DIAPH2: variants seen among roughly 807,000 people sequenced by gnomAD.
DIAPH2 encodes protein diaphanous homolog 2.
A neutral mutation model predicts 92.7 loss-of-function variants in DIAPH2; 35 were observed. The observed-to-expected ratio is 0.38, with a 90% CI of 0.29 to 0.50. DIAPH2 has a LOEUF of 0.50. DIAPH2 is among the 20% of genes least tolerant of loss of function. The pLI, the probability that DIAPH2 is intolerant of heterozygous loss-of-function variation, is 0.94. For missense variants in DIAPH2, 701 were observed against 819.5 expected (o/e 0.86, Z 1.77); for synonymous variants, 301 against 280.4 (o/e 1.07, Z -0.73).
intron 26 of DIAPH2, among the ~76,000 whole-genome samples, chrX:97,578,237 G>C (rs999551750): frequency 9.3e-6 from 1 of 107,509 alleles, no homozygotes; most frequent in African/African-American, 3.4e-5. Flanking sequence ...AGTTACATAC[G>C]TATACATGTG....
intron 20 of DIAPH2, among the ~76,000 whole-genome samples, chrX:97,112,120 T>C (rs477341): frequency 0.1 from 11,624 of 111,225 alleles, 871 homozygotes; most frequent in African/African-American, 0.27. Flanking sequence ...ACATTGTAGG[T>C]TAATACAAAA....
intron 17 of DIAPH2, among the ~76,000 whole-genome samples, chrX:97,043,653 T>G: frequency 9.0e-6 from 1 of 111,048 alleles, no homozygotes; most frequent in South Asian, 3.8e-4. Context: ...GAAGGCTGCA[T>G]GTAAGTACAC....
intron 16 of DIAPH2, among the ~76,000 whole-genome samples, chrX:96,963,014 G>C (rs1041500026): frequency 9.0e-6 from 1 of 111,645 alleles, no homozygotes; most frequent in African/African-American, 3.3e-5. Flanking sequence ...TTCTTGTAGG[G>C]CTTGTCTAGT....
intron 22 of DIAPH2, among the ~76,000 whole-genome samples, chrX:97,196,225 C>T (rs1602409711): frequency 1.8e-5 from 1 of 56,664 alleles, no homozygotes; most frequent in East Asian, 1.4e-3. Flanking sequence ...TACATACACA[C>T]ACACACACAC....
intron 17 of DIAPH2, among the ~76,000 whole-genome samples, chrX:97,048,581 C>T (rs1569288358): frequency 9.0e-6 from 1 of 110,865 alleles, no homozygotes; most frequent in Non-Finnish European, 1.9e-5. Context: ...ACTTTAAGAC[C>T]ATGCACATAT....
At chrX:97,563,871 A>G (rs1366028486) in intron 26 of DIAPH2, among the ~76,000 whole-genome samples, 4 of 111,546 alleles carry the variant, frequency 3.6e-5, no homozygotes, top group Non-Finnish European at 5.7e-5. Flanking sequence ...TGTAATCACA[A>G]TGGTCCACAC....
intron 23 of DIAPH2, among the ~76,000 whole-genome samples, chrX:97,339,073 A>G (rs1410967615): frequency 8.9e-6 from 1 of 112,115 alleles, no homozygotes; most frequent in Non-Finnish European, 1.9e-5. Context: ...CCATACTGTT[A>G]GTATATTACT....
intron 17 of DIAPH2, among the ~76,000 whole-genome samples, chrX:97,044,587 A>T (rs2066468637): frequency 9.0e-6 from 1 of 111,274 alleles, no homozygotes; most frequent in African/African-American, 3.3e-5. Context: ...CCTATGGAAG[A>T]GCAATCTGTC....
intron 22 of DIAPH2, among the ~76,000 whole-genome samples, chrX:97,230,201 T>G (rs753036360): frequency 2.9e-4 from 33 of 111,909 alleles, no homozygotes; most frequent in African/African-American, 1.1e-3. Context: ...CAAATATTGA[T>G]AAGAAATCTT....
chrX:97,340,274 C>T (rs186303636), intron 23 of DIAPH2, among the ~76,000 whole-genome samples: 70 of 111,604 alleles, frequency 6.3e-4, no homozygotes, highest in Non-Finnish European at 8.1e-4. Flanking sequence ...CCAGCTTTCC[C>T]GTGTCACCCT....
At chrX:97,030,113 T>C (rs181267555) in intron 17 of DIAPH2, among the ~76,000 whole-genome samples, 3 of 111,825 alleles carry the variant, frequency 2.7e-5, no homozygotes, top group Admixed American at 9.5e-5. Flanking sequence ...AATTAATTCA[T>C]ATTTATTAGA....
intron 26 of DIAPH2, among the ~76,000 whole-genome samples, chrX:97,509,471 CTTTTTTTTTTTT>C (rs57153955): frequency 1.5e-4 from 1 of 6,734 alleles, no homozygotes; most frequent in Admixed American, 4.5e-3. Flanking sequence ...ATTCATGTTG[CTTTTTTTTTTTT>C]TTTTTTTTTT....
chrX:97,048,984 T>G (rs1420787895), intron 17 of DIAPH2, among the ~76,000 whole-genome samples: 8 of 108,910 alleles, frequency 7.3e-5, no homozygotes, highest in Admixed American at 5.9e-4. Context: ...ACAATCTTCT[T>G]TTTTAGTGGG....
At position 97,332,225 on chromosome X, in the gene DIAPH2, A is replaced by G. The variant is rs190474210; in HGVS notation, c.2845-15891A>G. 4.9e-3 allele frequency among the ~76,000 whole-genome samples: 545 copies of G among 112,087 alleles called. 3 individuals carry two copies. The highest frequency in any genetic ancestry group is 0.017 in the African/African-American group (522 of 30,950). On this transcript the variant is annotated intron_variant, in intron 23 of 26. Transcript: ENST00000324765. ...GAATACTTATAGAATCTAGCATTAT[A>G]CAGCTGGAAGGAACCTTGCAGAATT...
intron 17 of DIAPH2, among the ~76,000 whole-genome samples, chrX:96,976,729 G>A (rs748321422): frequency 9.1e-6 from 1 of 110,299 alleles, no homozygotes; most frequent in South Asian, 3.9e-4. Context: ...AAATAGCTCC[G>A]TCTTTACATA....
chrX:97,315,156 A>G (rs1449819412), intron 23 of DIAPH2, among the ~76,000 whole-genome samples: 1 of 110,887 alleles, frequency 9.0e-6, no homozygotes, highest in African/African-American at 3.3e-5. Context: ...ACAGGTATAC[A>G]AGTCAGTTGC....
intron 20 of DIAPH2, among the ~76,000 whole-genome samples, chrX:97,103,450 T>C (rs1297417862): frequency 9.0e-6 from 1 of 110,959 alleles, no homozygotes; most frequent in Non-Finnish European, 1.9e-5. Flanking sequence ...GTTCAACCAA[T>C]GGTGATCAGA....
intron 22 of DIAPH2, among the ~76,000 whole-genome samples, chrX:97,143,119 G>A (rs982676326): frequency 9.0e-6 from 1 of 111,474 alleles, no homozygotes; most frequent in Non-Finnish European, 1.9e-5. Flanking sequence ...TGTGAAATAT[G>A]ATGGAAAATT....
chrX:97,149,513 C>T (rs535721672), intron 22 of DIAPH2, among the ~76,000 whole-genome samples: 40 of 109,677 alleles, frequency 3.6e-4, no homozygotes, highest in African/African-American at 1.2e-3. Flanking sequence ...GGGCGGATCA[C>T]GAGGTCAGGA....
Sources: gnomAD v4.1 joint callset for allele counts (sites outside exome capture counted in the v4.1 genomes callset) on GRCh38, gnomAD v4.1.1 for gene constraint, MANE v1.5 for transcripts, NCBI Gene and HGNC (gene_info 2026-07-23, HGNC 2026-07-21) for gene names.